GALNTL5: variants seen among roughly 807,000 people sequenced by gnomAD.
GALNTL5 encodes the protein inactive polypeptide N-acetylgalactosaminyltransferase-like protein 5.
In GALNTL5, 44 loss-of-function variants were observed where a neutral mutation model predicts 51.0. The ratio of observed to expected loss-of-function variants is 0.86; its 90% CI spans 0.68 to 1.11. The LOEUF (loss-of-function observed/expected upper bound fraction) is 1.11. Among genes scored for constraint, GALNTL5 ranks in the 50% least tolerant of loss-of-function variants. GALNTL5 has a pLI of 0.00. For synonymous variants in GALNTL5, 192 were observed against 182.8 expected (o/e 1.05, Z -0.41); for missense variants, 528 against 531.8 (o/e 0.99, Z 0.07).
At chr7:151,956,783 T>TA (rs2151934065) in intron 1 of GALNTL5, among the ~76,000 whole-genome samples, 174 bp downstream of exon 1, 1 of 152,090 alleles carries the variant, frequency 6.6e-6, no homozygotes, top group African/African-American at 2.4e-5. Context: ...AGTAGCCTCC[T>TA]AGCTGGTTAC....
intron 7 of GALNTL5, among the ~76,000 whole-genome samples, chr7:152,011,249 A>AT (rs902456372): frequency 6.6e-6 from 1 of 152,026 alleles, no homozygotes; most frequent in Non-Finnish European, 1.5e-5. Context: ...AATGCTCTGA[A>AT]TTTTTTTTCA....
chr7:151,982,168 T>C (rs2081299950), intron 3 of GALNTL5, among the ~76,000 whole-genome samples: 1 of 152,080 alleles, frequency 6.6e-6, no homozygotes, highest in Non-Finnish European at 1.5e-5. Flanking sequence ...ATCCCAACAC[T>C]TTGGGAGGCT....
chr7:151,996,991 C>T (rs1369486742), intron 5 of GALNTL5, among the ~76,000 whole-genome samples: 1 of 142,836 alleles, frequency 7.0e-6, no homozygotes, highest in Admixed American at 7.1e-5. Flanking sequence ...GATACATACG[C>T]TATTTGTTGC....
At chr7:151,965,162 A>G (rs745465289) in intron 1 of GALNTL5, among the ~76,000 whole-genome samples, 6 of 152,144 alleles carry the variant, frequency 3.9e-5, no homozygotes, top group Non-Finnish European at 7.3e-5. Context: ...CCATGTGTCC[A>G]CTGACTCACC....
chr7:152,015,867 A>C (rs1040337054), intron 8 of GALNTL5, among the ~76,000 whole-genome samples: 1 of 152,170 alleles, frequency 6.6e-6, no homozygotes, highest in Non-Finnish European at 1.5e-5. Flanking sequence ...GTCCATCCAG[A>C]AGCTATGTGT....
rs1443187786 is a variant in GALNTL5, at chr7:151,987,204, G to A, written c.581G>A (p.Gly194Glu). The A allele has an allele frequency of 6.3e-7, 1 of 1,597,366 alleles. No homozygotes were observed. Among genetic ancestry groups the A allele is most frequent in the Middle Eastern group, 1.7e-4 (1 of 6,018 alleles). ...KLDYHLETFR[G>E]KVKIIRNKKR... ...GACTATCACCTGGAAACTTTTCGGG[G>A]AAAGGTTAAAATAATAAGAAACAAA... is the stretch of plus-strand genomic sequence containing the variant. Residue 194 changes from glycine (G) to glutamate (E), a missense_variant, in exon 5 of 9, where the codon GGA (glycine) becomes GAA (glutamate). Physicochemically the swap from Gly to Glu is moderately conservative, Grantham distance 98. Transcript: ENST00000392800.
chr7:151,985,187 T>C (rs895855277), intron 4 of GALNTL5, among the ~76,000 whole-genome samples: 1 of 152,152 alleles, frequency 6.6e-6, no homozygotes. Context: ...AATACCATCA[T>C]ACTGAGGGGT....
At chr7:152,005,059 A>G (rs2081626790) in intron 6 of GALNTL5, among the ~76,000 whole-genome samples, 2 of 152,190 alleles carry the variant, frequency 1.3e-5, no homozygotes, top group Admixed American at 6.5e-5. Context: ...GTACTAATTT[A>G]CATTCCTACC....
At chr7:152,013,549 G>A (rs917095754) in intron 7 of GALNTL5, among the ~76,000 whole-genome samples, 1 of 152,158 alleles carries the variant, frequency 6.6e-6, no homozygotes, top group Non-Finnish European at 1.5e-5. Context: ...TGGTGTGAGA[G>A]CTACTCACAG....
intron 1 of GALNTL5, among the ~76,000 whole-genome samples, chr7:151,957,296 C>T (rs189148550): frequency 6.0e-5 from 9 of 151,148 alleles, no homozygotes; most frequent in African/African-American, 2.2e-4. Flanking sequence ...GTAATCCCAG[C>T]ACTTTTGGGG....
At chr7:151,958,773 G>A (rs10952336) in intron 1 of GALNTL5, among the ~76,000 whole-genome samples, 60,858 of 152,008 alleles carry the variant, frequency 0.4, 12,478 homozygotes, top group Middle Eastern at 0.55. Context: ...CTTGTCCTGC[G>A]TCCAAGAAGA....
intron 1 of GALNTL5, among the ~76,000 whole-genome samples, chr7:151,966,613 C>G (rs1194682675): frequency 6.6e-6 from 1 of 152,222 alleles, no homozygotes; most frequent in Non-Finnish European, 1.5e-5. Context: ...AATAAACATT[C>G]TTGTACCTGT....
chr7:151,999,953 G>T (rs78842080), intron 5 of GALNTL5, among the ~76,000 whole-genome samples: 1 of 152,204 alleles, frequency 6.6e-6, no homozygotes, highest in Non-Finnish European at 1.5e-5. Context: ...GCCAGATTGA[G>T]TCATGTTGTT....
At chr7:151,983,512 T>C (rs1035111853) in intron 4 of GALNTL5, among the ~76,000 whole-genome samples, 1 of 152,118 alleles carries the variant, frequency 6.6e-6, no homozygotes, top group Non-Finnish European at 1.5e-5. Context: ...CGCTCCCCGA[T>C]GGCACTTGAG....
intron 1 of GALNTL5, among the ~76,000 whole-genome samples, chr7:151,959,919 C>T (rs552676510): frequency 1.3e-5 from 2 of 152,198 alleles, no homozygotes; most frequent in Admixed American, 6.5e-5. Flanking sequence ...AGGTCTCTGG[C>T]GTGTCTCTAC....
chr7:152,001,803 T>C (rs1586844742), intron 5 of GALNTL5, among the ~76,000 whole-genome samples: 1 of 152,176 alleles, frequency 6.6e-6, no homozygotes, highest in Non-Finnish European at 1.5e-5. Context: ...ATCTGTAGAT[T>C]AGTATGGGGG....
At chr7:151,987,806 G>A (rs1190303076) in intron 5 of GALNTL5, among the ~76,000 whole-genome samples, 7 of 152,224 alleles carry the variant, frequency 4.6e-5, no homozygotes, top group Admixed American at 3.9e-4. Flanking sequence ...ATCTTGAAGC[G>A]CTTCAGACAA....
At chr7:151,966,162 G>A (rs2081056430) in intron 1 of GALNTL5, among the ~76,000 whole-genome samples, 1 of 151,994 alleles carries the variant, frequency 6.6e-6, no homozygotes, top group South Asian at 2.1e-4. Context: ...AGTACACATA[G>A]CTCCAGCTGA....
chr7:151,968,917 A>C (rs1467128545), intron 2 of GALNTL5, among the ~76,000 whole-genome samples: 1 of 152,112 alleles, frequency 6.6e-6, no homozygotes, highest in Non-Finnish European at 1.5e-5. Flanking sequence ...CCACTCATAT[A>C]CTGTCTTTTG....
Sources: gnomAD v4.1 joint callset for allele counts (sites outside exome capture counted in the v4.1 genomes callset) on GRCh38, gnomAD v4.1.1 for gene constraint, MANE v1.5 for transcripts, NCBI Gene and HGNC (gene_info 2026-07-23, HGNC 2026-07-21) for gene names.